Variants in DPY19L4 observed in about 807,000 individuals in gnomAD.
DPY19L4 encodes probable C-mannosyltransferase DPY19L4.
DPY19L4 carries 97 observed loss-of-function variants against 102.8 expected under a neutral mutation model. The observed-to-expected ratio is 0.94, with a 90% CI of 0.80 to 1.12. The LOEUF is 1.12. Among genes scored for constraint, DPY19L4 ranks in the 50% most tolerant of loss-of-function variants. The pLI is 0.00. For missense variants in DPY19L4, 815 were observed against 850.4 expected, an observed-to-expected ratio of 0.96 and a Z score of 0.52; for synonymous variants, 252 against 283.1, an observed-to-expected ratio of 0.89 and a Z score of 1.10.
chr8:94,770,773 G>C (rs538013299), intron 13 of DPY19L4, among the ~76,000 whole-genome samples: 2 of 152,072 alleles, frequency 1.3e-5, no homozygotes, highest in African/African-American at 4.8e-5. Context: ...GCTGGGTGTG[G>C]TAGCTACTGG....
intron 11 of DPY19L4, among the ~76,000 whole-genome samples, chr8:94,768,116 A>G (rs1177085863): frequency 1.3e-5 from 2 of 152,202 alleles, no homozygotes; most frequent in African/African-American, 4.8e-5. Flanking sequence ...AGAAACCAAA[A>G]TTCCCTAAAA....
intron 13 of DPY19L4, among the ~76,000 whole-genome samples, chr8:94,775,651 A>G (rs950482951): frequency 1.3e-5 from 2 of 152,138 alleles, no homozygotes; most frequent in African/African-American, 4.8e-5. Context: ...TCTCCATTCC[A>G]TGGCTTTGCT....
Position 94,725,873 on chromosome 8 carries a change from G to A in DPY19L4, c.17-458G>A, listed in dbSNP as rs189476827. ...AGGATGGTCTCGATCTCCTGACCTC[G>A]TGATCCGCCCACCTCGGCCTCCCAA... On this transcript the variant is annotated intron_variant, in intron 1 of 18. Transcript: ENST00000414645. Among the ~76,000 whole-genome samples, 515 of 152,052 alleles carry A rather than the reference G, an allele frequency of 3.4e-3. 3 individuals are homozygous for A. The highest frequency in any genetic ancestry group is 0.012 in the African/African-American group (501 of 41,468).
intron 6 of DPY19L4, among the ~76,000 whole-genome samples, chr8:94,752,732 T>C (rs1158161992): frequency 6.6e-6 from 1 of 151,086 alleles, no homozygotes; most frequent in Non-Finnish European, 1.5e-5. Flanking sequence ...CGACGTGATC[T>C]TGGCTCACTG....
chr8:94,721,572 A>G (rs1810462438), intron 1 of DPY19L4, among the ~76,000 whole-genome samples: 1 of 152,096 alleles, frequency 6.6e-6, no homozygotes, highest in African/African-American at 2.4e-5. Flanking sequence ...TTTCTTTTCT[A>G]ATTGCAAATT....
chr8:94,727,133 A>G (rs763075714), intron 2 of DPY19L4, among the ~76,000 whole-genome samples: 1 of 152,232 alleles, frequency 6.6e-6, no homozygotes, highest in Non-Finnish European at 1.5e-5. Context: ...TATCTGTTTT[A>G]TGTCGGGGGT....
At chr8:94,723,465 C>G (rs1175355870) in intron 1 of DPY19L4, among the ~76,000 whole-genome samples, 6 of 150,496 alleles carry the variant, frequency 4.0e-5, no homozygotes, top group Non-Finnish European at 7.4e-5. Context: ...AAGAGTGAAA[C>G]TCCGTCTCAA....
At chr8:94,734,605 C>T in intron 2 of DPY19L4, 25 bp from the exon 3 acceptor site, 2 of 1,594,380 alleles carry the variant, frequency 1.3e-6, no homozygotes, top group Non-Finnish European at 1.7e-6. Flanking sequence ...ATTACCTTTT[C>T]ATTACTTTTA....
At chr8:94,739,872 A>C in intron 6 of DPY19L4, 82 bp downstream of exon 6, 1 of 1,498,948 alleles carries the variant, frequency 6.7e-7, no homozygotes, top group African/African-American at 1.4e-5. Context: ...CCCCTCCCCA[A>C]CAGTCCTCAC....
At chr8:94,735,313 T>A (rs75437250) in intron 3 of DPY19L4, among the ~76,000 whole-genome samples, 20,635 of 152,168 alleles carry the variant, frequency 0.14, 1,476 homozygotes, top group African/African-American at 0.17. Flanking sequence ...TAGAGTTTTT[T>A]AATTTTTGAG....
At chr8:94,728,988 C>G (rs149073061) in intron 2 of DPY19L4, among the ~76,000 whole-genome samples, 5 of 150,922 alleles carry the variant, frequency 3.3e-5, no homozygotes, top group Non-Finnish European at 7.4e-5. Flanking sequence ...CAGGACCGTC[C>G]TGGACAACAT....
At chr8:94,741,270 TA>T (rs1254206521) in intron 6 of DPY19L4, among the ~76,000 whole-genome samples, 1 of 152,212 alleles carries the variant, frequency 6.6e-6, no homozygotes, top group African/African-American at 2.4e-5. Flanking sequence ...AACTGGAGAA[TA>T]ATCTGTGTGG....
At chr8:94,775,519 G>A (rs1813139617) in intron 13 of DPY19L4, among the ~76,000 whole-genome samples, 2 of 152,154 alleles carry the variant, frequency 1.3e-5, no homozygotes. Flanking sequence ...TAGAGACAGG[G>A]TCTAATTGTG....
chr8:94,733,983 G>C (rs1811082194), intron 2 of DPY19L4, among the ~76,000 whole-genome samples: 1 of 151,698 alleles, frequency 6.6e-6, no homozygotes, highest in African/African-American at 2.4e-5. Flanking sequence ...AATTAATGAA[G>C]CAATATTGAT....
chr8:94,720,444 AACATTCACC>A (rs1323906833), intron 1 of DPY19L4, among the ~76,000 whole-genome samples: 4 of 152,158 alleles, frequency 2.6e-5, no homozygotes, highest in African/African-American at 7.2e-5. Flanking sequence ...GGGGCGAGGG[AACATTCACC>A]ACGGGGATAA....
At position 94,780,382 on chromosome 8, in the gene DPY19L4, G is replaced by A. The variant is rs761870142; in HGVS notation, c.1599G>A (p.Val533=). ...ILLALILSMA[V]PTIIGLSLWK... is the part of the protein sequence containing the mutation. The stretch of plus-strand genomic sequence containing the variant: ...AGGCTCTTATTCTGAGCATGGCCGT[G>A]CCTACTATAATAGGTCTCAGCTTAT... The change falls in exon 15 of 19, where the codon GTG becomes GTA. Residue 533 remains valine, a synonymous_variant. Transcript: ENST00000414645. 3 of 1,487,920 alleles carry A rather than the reference G, an allele frequency of 2.0e-6. 1 individual carries two copies. In the Admixed American group the frequency reaches 5.4e-5, roughly 27 times the overall value. The allele number at this position is 1,487,920 out of a possible 1,614,324, so 92.2% of individuals were successfully genotyped here. A position where few individuals can be genotyped will look rare whatever the true frequency, so the allele number is the denominator to read the frequency against.
chr8:94,778,633 T>C (rs1415831942), intron 14 of DPY19L4, among the ~76,000 whole-genome samples: 1 of 152,064 alleles, frequency 6.6e-6, no homozygotes, highest in African/African-American at 2.4e-5. Context: ...TGTTAGAACA[T>C]AGGGAAGGGC....
In DPY19L4 at chr8:94,734,744, C is replaced by T. The variant is rs974042932; in HGVS notation, c.242C>T (p.Ser81Phe). 2.5e-6 allele frequency: 4 copies of T among 1,613,432 alleles called. No individual in the cohort carries two copies. Among genetic ancestry groups the T allele is most frequent in the Non-Finnish European group, 3.4e-6 (4 of 1,179,832 alleles). ...SAYHERKFWFSNRQELEREIT... is the reference protein window; with the variant it reads ...SAYHERKFWFFNRQELEREIT... ...TACCATGAACGGAAATTCTGGTTTT[C>T]CAACAGGCAGGTAAGAAGAAAGAAT... is the stretch of plus-strand genomic sequence containing the variant. Residue 81 changes from serine (S) to phenylalanine (F), a missense_variant, in exon 3 of 19, where the codon TCC (serine) becomes TTC (phenylalanine). By Grantham distance (155) the Ser-to-Phe change is radical (BLOSUM62 -2). Coordinates refer to ENST00000414645, the MANE Select transcript of DPY19L4 (RefSeq NM_181787.3).
chr8:94,719,920 C>T lies in DPY19L4; in HGVS notation c.-79C>T. 2.8e-6 allele frequency: 4 copies of T among 1,427,248 alleles called. No homozygotes were observed. Among genetic ancestry groups the T allele is most frequent in the Non-Finnish European group, 3.7e-6 (4 of 1,083,094 alleles). The allele number at this position is 1,427,248 out of a possible 1,614,324, so 88.4% of individuals were successfully genotyped here. A position where few individuals can be genotyped will look rare whatever the true frequency, so the allele number is the denominator to read the frequency against. On this transcript the variant is annotated 5_prime_UTR_variant, in exon 1 of 19. Coordinates refer to ENST00000414645, the MANE Select transcript of DPY19L4 (RefSeq NM_181787.3). ...CGGCCAGGAGCGGGCCCCCGGAGGC[C>T]GAGGGGTTCGGCGACGCGGAGGGAG...
Sources: gnomAD v4.1 joint callset for allele counts (sites outside exome capture counted in the v4.1 genomes callset) on GRCh38, gnomAD v4.1.1 for gene constraint, MANE v1.5 for transcripts, NCBI Gene and HGNC (gene_info 2026-07-23, HGNC 2026-07-21) for gene names.